Variants in MAF observed in about 807,000 individuals in gnomAD.
MAF encodes the protein MAF bZIP transcription factor.
Under a neutral mutation model 22.0 loss-of-function variants are expected in MAF, and 10 were observed. That is an observed-to-expected ratio of 0.45 (90% confidence interval 0.28 to 0.77). The LOEUF is 0.77. Among genes scored for constraint, MAF ranks in the 30% least tolerant of loss-of-function variants. The pLI, the probability that MAF is intolerant of heterozygous loss-of-function variation, is 0.12. For missense variants in MAF, 544 were observed against 548.4 expected (o/e 0.99, Z 0.08); for synonymous variants, 337 against 255.8 (o/e 1.32, Z -3.03).
the MAF span, among the ~76,000 whole-genome samples, chr16:79,551,297 C>A: frequency 6.6e-6 from 1 of 152,082 alleles, no homozygotes; most frequent in African/African-American, 2.4e-5. Context: ...GGAAGAGGCA[C>A]CCAAGGCATC....
chr16:79,254,362 T>A, the MAF span, among the ~76,000 whole-genome samples: 1 of 152,166 alleles, frequency 6.6e-6, no homozygotes, highest in African/African-American at 2.4e-5. Flanking sequence ...AGTGGGCATC[T>A]CTCTATGACT....
At chr16:79,344,601 T>C in the MAF span, among the ~76,000 whole-genome samples, 1 of 152,206 alleles carries the variant, frequency 6.6e-6, no homozygotes, top group Admixed American at 6.5e-5. Context: ...GAGGAGGCTC[T>C]TGGAAACTGT....
the MAF span, among the ~76,000 whole-genome samples, chr16:79,350,998 G>A: frequency 1.3e-5 from 2 of 151,976 alleles, no homozygotes; most frequent in Admixed American, 6.6e-5. Flanking sequence ...TTCACTTGCA[G>A]CTTCCAGGCT....
the MAF span, among the ~76,000 whole-genome samples, chr16:79,337,495 G>A: frequency 1.3e-5 from 2 of 152,126 alleles, no homozygotes; most frequent in African/African-American, 2.4e-5. Context: ...TTGAACCTGG[G>A]AGGCGGAGGT....
the MAF span, among the ~76,000 whole-genome samples, chr16:79,412,175 T>C: frequency 6.6e-6 from 1 of 152,122 alleles, no homozygotes; most frequent in Non-Finnish European, 1.5e-5. Flanking sequence ...AAATAAAACA[T>C]GCAAGTACAA....
the MAF span, among the ~76,000 whole-genome samples, chr16:79,213,777 C>T: frequency 7.6e-6 from 1 of 132,362 alleles, no homozygotes; most frequent in African/African-American, 2.5e-5. Context: ...GCACATTTCA[C>T]TCACAGCAAT....
the MAF span, among the ~76,000 whole-genome samples, chr16:79,244,976 C>T: frequency 6.6e-6 from 1 of 152,058 alleles, no homozygotes; most frequent in African/African-American, 2.4e-5. Context: ...AAAGGTTTCC[C>T]TATTTGATAA....
chr16:79,416,122 C>T, the MAF span, among the ~76,000 whole-genome samples: 1 of 152,094 alleles, frequency 6.6e-6, no homozygotes, highest in Non-Finnish European at 1.5e-5. Flanking sequence ...TGTGTGTGCC[C>T]CTAAGCTGCC....
chr16:79,403,849 G>A, the MAF span, among the ~76,000 whole-genome samples: 1 of 152,146 alleles, frequency 6.6e-6, no homozygotes, highest in Non-Finnish European at 1.5e-5. Context: ...AGGCTCAGAT[G>A]GATTTCACAG....
chr16:79,379,317 C>T, the MAF span, among the ~76,000 whole-genome samples: 9 of 152,278 alleles, frequency 5.9e-5, no homozygotes, highest in East Asian at 1.7e-3. Flanking sequence ...GGAGCACTGG[C>T]ATGTTGCCTT....
At chr16:79,586,419 C>T (rs926690913) in intron 1 of MAF, among the ~76,000 whole-genome samples, 4 of 152,222 alleles carry the variant, frequency 2.6e-5, no homozygotes, top group Admixed American at 2.0e-4. Context: ...GCCCCCACCT[C>T]CTCTGTTGCT....
the MAF span, among the ~76,000 whole-genome samples, chr16:79,574,281 T>A: frequency 6.6e-6 from 1 of 152,222 alleles, no homozygotes; most frequent in Non-Finnish European, 1.5e-5. Flanking sequence ...TTTCCCTCAG[T>A]CCTGTTTCTA....
the MAF span, among the ~76,000 whole-genome samples, chr16:79,329,788 C>T: frequency 2.8e-4 from 42 of 152,160 alleles, no homozygotes; most frequent in Admixed American, 4.6e-4. Flanking sequence ...ACCAGTATGC[C>T]TTCTACTTAA....
At chr16:79,222,227 C>T in the MAF span, among the ~76,000 whole-genome samples, 3 of 152,104 alleles carry the variant, frequency 2.0e-5, no homozygotes, top group Non-Finnish European at 4.4e-5. Flanking sequence ...ATTTCATATC[C>T]AGCCAAACTG....
the MAF span, among the ~76,000 whole-genome samples, chr16:79,313,814 G>A: frequency 6.6e-6 from 1 of 152,096 alleles, no homozygotes; most frequent in African/African-American, 2.4e-5. Context: ...AAGGGCCCAG[G>A]CTTGGAGTCA....
At chr16:79,211,484 G>A in the MAF span, 2 of 1,259,770 alleles carry the variant, frequency 1.6e-6, no homozygotes, top group East Asian at 4.9e-5. Context: ...CCTTTGCTAT[G>A]CCAAGATCCA....
the MAF span, among the ~76,000 whole-genome samples, chr16:79,356,250 T>C: frequency 8.5e-5 from 13 of 152,134 alleles, no homozygotes; most frequent in African/African-American, 3.1e-4. Flanking sequence ...TGCTATACCC[T>C]GCCATCACAC....
At chr16:79,412,154 G>T in the MAF span, among the ~76,000 whole-genome samples, 1 of 152,150 alleles carries the variant, frequency 6.6e-6, no homozygotes, top group African/African-American at 2.4e-5. Context: ...CTGTGACTGG[G>T]GGTAATTTAG....
At chr16:79,403,598 C>T in the MAF span, among the ~76,000 whole-genome samples, 1 of 152,186 alleles carries the variant, frequency 6.6e-6, no homozygotes, top group African/African-American at 2.4e-5. Context: ...TCAAGCTCTG[C>T]CAGGGGCCTT....
Sources: allele counts gnomAD v4.1 joint callset (sites outside exome capture counted in the v4.1 genomes callset), GRCh38; gene constraint gnomAD v4.1.1; transcripts MANE v1.5; gene names NCBI Gene and HGNC (gene_info 2026-07-23, HGNC 2026-07-21).